The following STIM1 variants were observed in gnomAD, a reference collection of about 807,000 sequenced individuals.
The protein encoded by STIM1 is stromal interaction molecule 1.
In STIM1, 25 loss-of-function variants were observed where a neutral mutation model predicts 74.7. The ratio of observed to expected loss-of-function variants is 0.33; its 90% CI spans 0.24 to 0.47. STIM1 has a LOEUF of 0.47. Among genes scored for constraint, STIM1 ranks in the 20% least tolerant of loss-of-function variants. The pLI is 1.00. For missense variants in STIM1, 728 were observed against 920.8 expected (o/e 0.79, Z 2.71); for synonymous variants, 328 against 348.8 (o/e 0.94, Z 0.66).
intron 2 of STIM1, among the ~76,000 whole-genome samples, chr11:3,999,231 G>C (rs2093689754): frequency 6.6e-6 from 1 of 152,166 alleles, no homozygotes; most frequent in South Asian, 2.1e-4. Context: ...CAAGCTACTC[G>C]GGAGGCTGAG....
chr11:4,049,436 C>T (rs988496163), intron 3 of STIM1: 13 of 151,554 alleles, frequency 8.6e-5, no homozygotes, highest in African/African-American at 2.9e-4. Context: ...GCCATCCTCC[C>T]ACCTCAGCCT....
chr11:4,001,192 T>C (rs2093712774), intron 2 of STIM1, among the ~76,000 whole-genome samples: 3 of 151,902 alleles, frequency 2.0e-5, no homozygotes, highest in South Asian at 2.1e-4. Context: ...ACTTCCCCAA[T>C]CTAGCAAGGC....
intron 2 of STIM1, among the ~76,000 whole-genome samples, chr11:4,022,539 G>C (rs548344844): frequency 1.3e-5 from 2 of 151,906 alleles, no homozygotes; most frequent in African/African-American, 4.8e-5. Flanking sequence ...AGGCATCCTT[G>C]TCTCGTTCCA....
At chr11:3,892,927 A>T in intron 1 of STIM1, 1 of 1,188,380 alleles carries the variant, frequency 8.4e-7, no homozygotes, top group East Asian at 2.3e-5. Context: ...CAGCATCTGC[A>T]AAGACTTTTA....
intron 3 of STIM1, among the ~76,000 whole-genome samples, chr11:4,049,953 G>A (rs1348774866): frequency 6.6e-6 from 1 of 152,096 alleles, no homozygotes; most frequent in African/African-American, 2.4e-5. Flanking sequence ...TAATATATGT[G>A]AGGTACTTAG....
chr11:3,974,146 T>C (rs1389092394), intron 2 of STIM1: 13 of 636,406 alleles, frequency 2.0e-5, no homozygotes, highest in South Asian at 1.0e-4. Flanking sequence ...GAATGGCTCA[T>C]TGGACCCTCA....
intron 1 of STIM1, among the ~76,000 whole-genome samples, chr11:3,887,584 T>C (rs1226718181): frequency 3.3e-5 from 5 of 152,184 alleles, no homozygotes; most frequent in Non-Finnish European, 7.3e-5. Flanking sequence ...TTAAGGTTAT[T>C]GCCAGAAGAT....
At chr11:4,033,675 A>G (rs2094072392) in intron 3 of STIM1, among the ~76,000 whole-genome samples, 1 of 151,270 alleles carries the variant, frequency 6.6e-6, no homozygotes, top group South Asian at 2.1e-4. Flanking sequence ...GGCTCACTGC[A>G]AGCTCCGCCT....
chr11:4,002,354 A>C (rs1266258805), intron 2 of STIM1, among the ~76,000 whole-genome samples: 1 of 150,444 alleles, frequency 6.6e-6, no homozygotes, highest in Non-Finnish European at 1.5e-5. Context: ...ACTCCTCAGC[A>C]AATGTAAAAG....
At chr11:4,088,435 G>A (rs866234526) in intron 12 of STIM1, 5 of 405,044 alleles carry the variant, frequency 1.2e-5, no homozygotes, top group African/African-American at 4.1e-5. Context: ...CCTTTCTCTT[G>A]CACAAAGGGA....
rs1222930930 is a variant in STIM1, at chr11:4,028,399, CTTTCTTTTTCT to C, written c.385+4422_385+4432del. Among the ~76,000 whole-genome samples, 108 of 148,330 alleles carry C rather than the reference CTTTCTTTTTCT, an allele frequency of 7.3e-4. 1 individual carries two copies. The highest frequency in any genetic ancestry group is 2.5e-3 in the African/African-American group (99 of 40,238). ...GCCTGGTGAATATTTCTTTTTTTTT[CTTTCTTTTTCT>C]TTTCTTTTTTTTTTTCGAGGTGGAG... On this transcript the variant is annotated intron_variant, in intron 3 of 12. Coordinates refer to ENST00000526596, the MANE Select transcript of STIM1 (RefSeq NM_001382567.1).
chr11:3,991,950 C>CAAAAAAAAAA (rs1230185435), intron 2 of STIM1, among the ~76,000 whole-genome samples: 3 of 36,678 alleles, frequency 8.2e-5, no homozygotes, highest in African/African-American at 1.4e-4. Flanking sequence ...AACTCCATCT[C>CAAAAAAAAAA]AAAAAAAAAA....
chr11:4,016,780 A>G (rs1416880499), intron 2 of STIM1, among the ~76,000 whole-genome samples: 3 of 152,176 alleles, frequency 2.0e-5, no homozygotes, highest in Non-Finnish European at 4.4e-5. Context: ...GCAATGGTGG[A>G]TGCCCCTCCC....
chr11:3,982,794 T>C (rs907812708), intron 2 of STIM1, among the ~76,000 whole-genome samples: 7 of 152,210 alleles, frequency 4.6e-5, no homozygotes, highest in African/African-American at 1.4e-4. Flanking sequence ...TCAATAAATA[T>C]GTTTTTTAAA....
chr11:4,060,853 A>C (rs899206744), intron 5 of STIM1, among the ~76,000 whole-genome samples: 1 of 152,202 alleles, frequency 6.6e-6, no homozygotes, highest in Non-Finnish European at 1.5e-5. Context: ...CAAACTAGGG[A>C]GGAGTTTCCT....
At chr11:3,949,768 A>G (rs2093122205) in intron 1 of STIM1, among the ~76,000 whole-genome samples, 1 of 152,214 alleles carries the variant, frequency 6.6e-6, no homozygotes, top group South Asian at 2.1e-4. Context: ...AGTTTCCTCC[A>G]TGGTAACATT....
At chr11:4,032,329 C>G (rs1251533466) in intron 3 of STIM1, among the ~76,000 whole-genome samples, 1 of 152,174 alleles carries the variant, frequency 6.6e-6, no homozygotes. Context: ...AACAAGCAAA[C>G]AAAAATGCCT....
At chr11:3,896,745 C>T (rs1444509861) in intron 1 of STIM1, among the ~76,000 whole-genome samples, 2 of 152,172 alleles carry the variant, frequency 1.3e-5, no homozygotes, top group Admixed American at 1.3e-4. Flanking sequence ...ACCTTAGCTT[C>T]TCTAGCGATA....
chr11:4,042,294 A>G (rs2094154276), intron 3 of STIM1, among the ~76,000 whole-genome samples: 1 of 152,180 alleles, frequency 6.6e-6, no homozygotes, highest in African/African-American at 2.4e-5. Context: ...TTCTGCTCAA[A>G]TATCACTTCA....
Sources: allele counts gnomAD v4.1 joint callset (sites outside exome capture counted in the v4.1 genomes callset), GRCh38; gene constraint gnomAD v4.1.1; transcripts MANE v1.5; gene names NCBI Gene and HGNC (gene_info 2026-07-23, HGNC 2026-07-21).